The following TMEM44 variants were observed in gnomAD, a reference collection of about 807,000 sequenced individuals.
TMEM44 encodes transmembrane protein 44.
A neutral mutation model predicts 47.8 loss-of-function variants in TMEM44; 43 were observed. The ratio of observed to expected loss-of-function variants is 0.90; its 90% CI spans 0.70 to 1.16. The LOEUF (loss-of-function observed/expected upper bound fraction) is 1.16. Ranked by LOEUF, TMEM44 falls within the 50% of genes most tolerant of loss-of-function variation. The probability of loss-of-function intolerance (pLI) is 0.00; values close to 1 mark genes in which losing one functional copy is unlikely to be tolerated. For missense variants in TMEM44, 568 were observed against 555.2 expected, an observed-to-expected ratio of 1.02 and a Z score of -0.23; for synonymous variants, 277 against 238.8, an observed-to-expected ratio of 1.16 and a Z score of -1.48.
At chr3:194,617,811 C>A (rs1026476314) in intron 5 of TMEM44, 2 of 698,344 alleles carry the variant, frequency 2.9e-6, no homozygotes, top group Non-Finnish European at 5.2e-6. Flanking sequence ...GGGTGGATAT[C>A]TCATGAATGG....
In TMEM44 at chr3:194,623,589, G is replaced by T; in HGVS notation, c.465C>A (p.Val155=). Residue 155 remains valine, a synonymous_variant, in exon 4 of 10, where the codon GTC becomes GTA. Transcript: ENST00000347147. The part of the protein sequence containing the change: ...LGPCWALWVA[V]PKASATIRGP... ...CCCGGATGGTGGCTGAAGCCTTCGGGACAGCAACCCACAGAGCCCAGCACG... is the reference window on the plus strand; with the variant it reads ...CCCGGATGGTGGCTGAAGCCTTCGGTACAGCAACCCACAGAGCCCAGCACG... The T allele has an allele frequency of 6.2e-7, 1 of 1,611,576 alleles. No homozygotes were observed. The highest frequency in any genetic ancestry group is 8.5e-7 in the Non-Finnish European group (1 of 1,179,570).
chr3:194,610,091 G>A (rs1715155229), intron 8 of TMEM44, among the ~76,000 whole-genome samples: 1 of 152,062 alleles, frequency 6.6e-6, no homozygotes, highest in African/African-American at 2.4e-5. Context: ...GCTGGGCGTG[G>A]TGGCAGGCTC....
intron 9 of TMEM44, among the ~76,000 whole-genome samples, chr3:194,591,513 T>C (rs1312081575): frequency 6.6e-6 from 1 of 151,318 alleles, no homozygotes; most frequent in Non-Finnish European, 1.5e-5. Context: ...AATAAATACA[T>C]AAATAAGTAA....
intron 2 of TMEM44, among the ~76,000 whole-genome samples, chr3:194,626,827 G>A (rs1035179956): frequency 4.0e-5 from 6 of 151,858 alleles, no homozygotes; most frequent in African/African-American, 7.3e-5. Flanking sequence ...GGGACTTCAG[G>A]CGCCTGCCAC....
chr3:194,602,672 G>C (rs1714282927), intron 9 of TMEM44, among the ~76,000 whole-genome samples: 1 of 152,264 alleles, frequency 6.6e-6, no homozygotes, highest in Non-Finnish European at 1.5e-5. Context: ...TAGCCTCTGG[G>C]TCAGATTCTG....
At position 194,623,650 on chromosome 3, in the gene TMEM44, C is replaced by G. The variant is rs779013652; in HGVS notation, c.404G>C (p.Ser135Thr). 1.2e-6 allele frequency: 2 copies of G among 1,613,044 alleles called. No homozygotes were observed. Among genetic ancestry groups the G allele is most frequent in the East Asian group, 4.5e-5 (2 of 44,888 alleles). The stretch of plus-strand genomic sequence containing the variant: ...CAGCGGCAGGGCCAGGGCAAACACA[C>G]TGGCCCTGAGCTGCCGCCTCCTCTT... ...ERKRRRQLRA[S>T]VFALALPLSL... Residue 135 changes from serine to threonine, a missense_variant, in exon 4 of 10, where the codon AGT becomes ACT. Coordinates refer to ENST00000347147, the MANE Select transcript of TMEM44 (RefSeq NM_001011655.3).
At chr3:194,604,470 G>A in intron 8 of TMEM44, 25 bp from the exon 9 acceptor site, 1 of 1,475,408 alleles carries the variant, frequency 6.8e-7, no homozygotes, top group Non-Finnish European at 9.0e-7. Context: ...AGAAAGGGCA[G>A]GCAAGGACAC....
At chr3:194,610,715 G>A (rs1005157919) in intron 8 of TMEM44, among the ~76,000 whole-genome samples, 5 of 152,162 alleles carry the variant, frequency 3.3e-5, no homozygotes, top group Non-Finnish European at 5.9e-5. Flanking sequence ...TTTCATCAGA[G>A]GGGACAGGGA....
In TMEM44 at chr3:194,588,415, T is replaced by C. The variant is rs1712125772; in HGVS notation, c.*114A>G. The stretch of plus-strand genomic sequence containing the variant: ...TCAGTGACGGCTCCTGGTTCCTCAC[T>C]TGCCAGGGCAGCTTCAGTTCCTGCC... On this transcript the variant is annotated 3_prime_UTR_variant, in exon 10 of 10. Transcript: ENST00000347147. 2.3e-6 allele frequency: 2 copies of C among 879,906 alleles called. No homozygotes were observed. The highest frequency in any genetic ancestry group is 2.3e-5 in the Admixed American group (1 of 43,062). 54.5% of individuals were successfully genotyped at this position (879,906 alleles called of 1,614,324 possible).
At position 194,604,336 on chromosome 3, in the gene TMEM44, A is replaced by G; in HGVS notation, c.1127T>C (p.Val376Ala). The G allele has an allele frequency of 6.3e-7, 1 of 1,576,552 alleles. No homozygotes were observed. Among genetic ancestry groups the G allele is most frequent in the Non-Finnish European group, 8.6e-7 (1 of 1,161,732 alleles). Residue 376 changes from valine (V) to alanine (A), a missense_variant, in exon 9 of 10, where the codon GTG becomes GCG. By Grantham distance (64) the Val-to-Ala change is moderately conservative. Transcript: ENST00000347147. The stretch of plus-strand genomic sequence containing the variant: ...GACCTCAGAGGAGCTGCCGGAAGAC[A>G]CCCGGGCCCGGATGACCTGAACGGG... Reference protein sequence around the residue: ...YPPVQVIRARVSSGSSSEVSS... With the variant: ...YPPVQVIRARASSGSSSEVSS...
At position 194,587,929 on chromosome 3, in the gene TMEM44, A is replaced by G. The variant is rs7625479; in HGVS notation, c.*600T>C. 18,971 of 152,604 alleles carry G rather than the reference A, an allele frequency of 0.12. 1,415 individuals carry two copies. Among genetic ancestry groups the G allele is most frequent in the East Asian group, 0.25 (1,268 of 5,174 alleles). 9.5% of individuals were successfully genotyped at this position (152,604 alleles called of 1,614,324 possible). On this transcript the variant is annotated 3_prime_UTR_variant, in exon 10 of 10. Coordinates refer to ENST00000347147, the MANE Select transcript of TMEM44 (RefSeq NM_001011655.3). ...GGTTGGAGGAAGTCCTGGTACCCGGAGCAGTTTGCTTTGTTTTTGCAGTGT... is the reference window on the plus strand; with the variant it reads ...GGTTGGAGGAAGTCCTGGTACCCGGGGCAGTTTGCTTTGTTTTTGCAGTGT...
chr3:194,614,395 G>GA (rs796559373), intron 7 of TMEM44, among the ~76,000 whole-genome samples: 9 of 152,258 alleles, frequency 5.9e-5, no homozygotes, highest in African/African-American at 1.9e-4. Context: ...AAATATGAGT[G>GA]AAAATCACAT....
intron 8 of TMEM44, among the ~76,000 whole-genome samples, chr3:194,607,205 C>A (rs750026941): frequency 6.6e-6 from 1 of 152,048 alleles, no homozygotes; most frequent in Non-Finnish European, 1.5e-5. Flanking sequence ...ACCCCTTCCT[C>A]TCTCTCCTGC....
At chr3:194,617,940 C>T (rs775251975) in intron 5 of TMEM44, among the ~76,000 whole-genome samples, 1 of 152,206 alleles carries the variant, frequency 6.6e-6, no homozygotes, top group Non-Finnish European at 1.5e-5. Context: ...CTCTCTCTCT[C>T]TGCCTGCTCA....
chr3:194,631,771 C>T (rs991564050), intron 1 of TMEM44, among the ~76,000 whole-genome samples: 1 of 152,136 alleles, frequency 6.6e-6, no homozygotes, highest in Non-Finnish European at 1.5e-5. Flanking sequence ...CTTAACCCAG[C>T]CCACACACCA....
At chr3:194,598,157 A>G (rs1268366094) in intron 9 of TMEM44, among the ~76,000 whole-genome samples, 1 of 152,130 alleles carries the variant, frequency 6.6e-6, no homozygotes, top group African/African-American at 2.4e-5. Context: ...TACTGGTCAC[A>G]CTGAGGCTCC....
chr3:194,601,077 A>G (rs759113687), intron 9 of TMEM44, among the ~76,000 whole-genome samples: 1 of 151,550 alleles, frequency 6.6e-6, no homozygotes, highest in Non-Finnish European at 1.5e-5. Flanking sequence ...TTCCTTTTGC[A>G]TGGGCAAAAG....
intron 9 of TMEM44, among the ~76,000 whole-genome samples, chr3:194,595,980 G>A (rs371289500): frequency 1.3e-5 from 2 of 152,130 alleles, no homozygotes; most frequent in Non-Finnish European, 2.9e-5. Context: ...GATCATGAAA[G>A]GCTTCCTGGA....
chr3:194,601,285 C>T (rs1714081221), intron 9 of TMEM44, among the ~76,000 whole-genome samples: 1 of 151,506 alleles, frequency 6.6e-6, no homozygotes, highest in Admixed American at 6.6e-5. Flanking sequence ...TTACAGGCAC[C>T]CGCCACCACG....
Sources: gnomAD v4.1 joint callset for allele counts (sites outside exome capture counted in the v4.1 genomes callset) on GRCh38, gnomAD v4.1.1 for gene constraint, MANE v1.5 for transcripts, NCBI Gene and HGNC (gene_info 2026-07-23, HGNC 2026-07-21) for gene names.